Variants in AXDND1 observed in about 807,000 individuals in gnomAD.
AXDND1 encodes axonemal dynein light chain domain-containing protein 1.
AXDND1 carries 110 observed loss-of-function variants against 137.5 expected under a neutral mutation model. The ratio of observed to expected loss-of-function variants is 0.80; its 90% CI spans 0.69 to 0.94. The LOEUF (loss-of-function observed/expected upper bound fraction) is 0.94. AXDND1 is among the 40% of genes least tolerant of loss of function. AXDND1 has a pLI of 0.00. For synonymous variants in AXDND1, 414 were observed against 399.7 expected (o/e 1.04, Z -0.43); for missense variants, 1,191 against 1,169.8 (o/e 1.02, Z -0.26).
chr1:179,485,307 C>G (rs1257229962), intron 18 of AXDND1, among the ~76,000 whole-genome samples: 1 of 152,166 alleles, frequency 6.6e-6, no homozygotes, highest in Non-Finnish European at 1.5e-5. Flanking sequence ...GACCAGTGGT[C>G]TGGGAACACC....
At chr1:179,496,817 TC>T (rs745524888) in intron 20 of AXDND1, among the ~76,000 whole-genome samples, 15 of 152,048 alleles carry the variant, frequency 9.9e-5, no homozygotes, top group Non-Finnish European at 1.8e-4. Context: ...TTTTACCTCC[TC>T]CCCCATACCC....
chr1:179,528,331 C>T lies in AXDND1; in HGVS notation c.2615C>T (p.Pro872Leu), dbSNP rs769785852. 2.5e-6 allele frequency: 4 copies of T among 1,612,450 alleles called. No individual in the cohort carries two copies. The South Asian group carries it at 3.3e-5, about 13-fold the overall frequency. Residue 872 changes from proline (P) to leucine (L), a missense_variant, in exon 23 of 26, where the codon CCT becomes CTT. Physicochemically the swap from Pro to Leu is moderately conservative, Grantham distance 98 (BLOSUM62 -3). Transcript: ENST00000367618. ...CCGCATGTTTCTGTGTTCTAGCAAC[C>T]TTCAACATCTACAGAGAAGGAAAAA... ...EENKERAEEQ[P>L]STSTEKEKLI...
At chr1:179,552,600 C>A in intron 25 of AXDND1, 1 of 1,612,264 alleles carries the variant, frequency 6.2e-7, no homozygotes, top group South Asian at 1.1e-5. Context: ...ATGGAGTGCT[C>A]ACCCGCACTT....
In AXDND1 at chr1:179,468,607, A is replaced by G; in HGVS notation, c.1963A>G (p.Ile655Val). ...HLDILLNLTG[I>V]VPQHIDVDSV... ...GGATATATTGTTAAACCTTACTGGT[A>G]TTGTTCCACAGCACATAGATGTGGA... The change falls in exon 17 of 26, where the codon ATT becomes GTT. Residue 655 changes from isoleucine (I) to valine (V), a missense_variant. Physicochemically the swap from Ile to Val is conservative, Grantham distance 29. Transcript: ENST00000367618. The G allele has an allele frequency of 6.2e-7, 1 of 1,612,056 alleles. No homozygotes were observed.
intron 11 of AXDND1, among the ~76,000 whole-genome samples, chr1:179,397,368 G>C (rs1456345196): frequency 1.3e-5 from 2 of 151,978 alleles, no homozygotes; most frequent in Non-Finnish European, 2.9e-5. Context: ...TAGTCTGATG[G>C]GCTTCCTTTT....
intron 12 of AXDND1, 71 bp from the exon 13 acceptor site, chr1:179,429,447 A>G: frequency 1.4e-6 from 1 of 740,334 alleles, no homozygotes; most frequent in South Asian, 3.0e-5. Flanking sequence ...TCGATATATG[A>G]AATCACTGTA....
intron 6 of AXDND1, among the ~76,000 whole-genome samples, chr1:179,381,801 A>T (rs898918817): frequency 4.6e-5 from 7 of 151,106 alleles, no homozygotes; most frequent in Admixed American, 2.0e-4. Flanking sequence ...TTTTTTGGAG[A>T]TGGAGTTTTG....
intron 14 of AXDND1, among the ~76,000 whole-genome samples, chr1:179,431,818 A>G (rs1473973393): frequency 6.6e-6 from 1 of 152,120 alleles, no homozygotes; most frequent in Non-Finnish European, 1.5e-5. Flanking sequence ...TCAGAAGCTT[A>G]TTTATCAATA....
chr1:179,388,797 T>C (rs1291097203), intron 9 of AXDND1, among the ~76,000 whole-genome samples: 1 of 148,502 alleles, frequency 6.7e-6, no homozygotes, highest in Non-Finnish European at 1.5e-5. Flanking sequence ...GGGTTCGCCA[T>C]ATTGGCCAGG....
intron 15 of AXDND1, among the ~76,000 whole-genome samples, chr1:179,432,975 T>C (rs1014556304): frequency 2.0e-5 from 3 of 152,122 alleles, no homozygotes; most frequent in Non-Finnish European, 1.5e-5. Context: ...CTTTAAAAAA[T>C]ATGCTTAAAT....
At chr1:179,485,175 C>G (rs1020436850) in intron 18 of AXDND1, among the ~76,000 whole-genome samples, 10 of 152,232 alleles carry the variant, frequency 6.6e-5, no homozygotes, top group Non-Finnish European at 1.3e-4. Context: ...AGTGCCCCAC[C>G]ACAGCTGATG....
At chr1:179,447,594 T>G in intron 16 of AXDND1, 1 of 1,094,052 alleles carries the variant, frequency 9.1e-7, no homozygotes, top group East Asian at 2.4e-5. Context: ...AGGTTCAACT[T>G]ACTAGTGGAG....
chr1:179,374,644 C>A (rs1010448857), intron 4 of AXDND1, among the ~76,000 whole-genome samples: 22 of 151,864 alleles, frequency 1.4e-4, no homozygotes, highest in Non-Finnish European at 3.1e-4. Context: ...ACTTTGTAGC[C>A]GTAAAAAAGG....
chr1:179,381,754 A>T (rs1188687227), intron 6 of AXDND1, among the ~76,000 whole-genome samples: 2 of 151,784 alleles, frequency 1.3e-5, no homozygotes, highest in Non-Finnish European at 2.9e-5. Context: ...ATTTTATTTG[A>T]TGGATTTTAA....
intron 2 of AXDND1, 37 bp from the exon 3 acceptor site, chr1:179,368,763 A>T: frequency 6.5e-7 from 1 of 1,526,960 alleles, no homozygotes; most frequent in South Asian, 1.2e-5. Context: ...TTAAAAAAAT[A>T]TATAGTAAGA....
intron 20 of AXDND1, among the ~76,000 whole-genome samples, chr1:179,501,039 C>T (rs1667946815): frequency 6.6e-6 from 1 of 152,194 alleles, no homozygotes; most frequent in Non-Finnish European, 1.5e-5. Context: ...CTTAATAGTA[C>T]ATGTTGCTAC....
chr1:179,441,290 T>C (rs1034729532), intron 15 of AXDND1, among the ~76,000 whole-genome samples: 2 of 152,222 alleles, frequency 1.3e-5, no homozygotes, highest in Non-Finnish European at 2.9e-5. Context: ...TCCTAACATA[T>C]GGCGGCATTC....
At chr1:179,383,315 T>G in intron 7 of AXDND1, 127 bp from the exon 8 acceptor site, 1 of 680,152 alleles carries the variant, frequency 1.5e-6, no homozygotes, top group Non-Finnish European at 2.5e-6. Context: ...ACAGGTCTAA[T>G]GCTTAAAATG....
intron 17 of AXDND1, among the ~76,000 whole-genome samples, chr1:179,479,180 G>C (rs1368938183): frequency 6.6e-6 from 1 of 151,242 alleles, no homozygotes; most frequent in Admixed American, 6.6e-5. Context: ...GTGATTCTTA[G>C]AAATTTCTTC....
Sources: gnomAD v4.1 joint callset for allele counts (sites outside exome capture counted in the v4.1 genomes callset) on GRCh38, gnomAD v4.1.1 for gene constraint, MANE v1.5 for transcripts, NCBI Gene and HGNC (gene_info 2026-07-23, HGNC 2026-07-21) for gene names.